The following KLHL1 variants were observed in gnomAD, a reference collection of about 807,000 sequenced individuals.
The protein encoded by KLHL1 is kelch like family member 1.
A neutral mutation model predicts 77.7 loss-of-function variants in KLHL1; 47 were observed. The observed-to-expected ratio is 0.60, with a 90% CI of 0.48 to 0.77. KLHL1 has a LOEUF of 0.77. KLHL1 is among the 30% of genes least tolerant of loss of function. KLHL1 has a pLI of 0.00. For synonymous variants in KLHL1, 360 were observed against 325.2 expected (o/e 1.11, Z -1.15); for missense variants, 925 against 910.8 (o/e 1.02, Z -0.20).
chr13:69,783,198 A>AAAGT (rs1876323816), intron 7 of KLHL1, among the ~76,000 whole-genome samples: 1 of 152,152 alleles, frequency 6.6e-6, no homozygotes, highest in South Asian at 2.1e-4. Context: ...TCAAAGATCA[A>AAAGT]AAGTAGATAA....
intron 7 of KLHL1, among the ~76,000 whole-genome samples, chr13:69,748,004 A>G (rs902760569): frequency 6.6e-6 from 1 of 152,116 alleles, no homozygotes; most frequent in African/African-American, 2.4e-5. Flanking sequence ...CAACACAGGT[A>G]TCTATCCTTT....
chr13:69,778,647 G>T (rs1008922123), intron 7 of KLHL1, among the ~76,000 whole-genome samples: 1 of 151,932 alleles, frequency 6.6e-6, no homozygotes, highest in African/African-American at 2.4e-5. Context: ...TAACAGGTTA[G>T]GTAAAAGCTT....
At position 70,107,276 on chromosome 13, in the gene KLHL1, C is replaced by G. The variant is rs145170424; in HGVS notation, c.424G>C (p.Gly142Arg). The part of the protein sequence containing the change: ...GMDFPGPHEK[G>R]LVLQELKVEP... ...ACTTTGAGCTCTTGCAGAACCAGCC[C>G]TTTTTCGTGTGGTCCAGGAAAGTCC... The change falls in exon 1 of 11, where the codon GGG becomes CGG. Residue 142 changes from glycine to arginine, a missense_variant. Gly to Arg is a moderately radical substitution (Grantham distance 125, BLOSUM62 -2). Coordinates refer to ENST00000377844, the MANE Select transcript of KLHL1 (RefSeq NM_020866.3). 6.2e-7 allele frequency: 1 copy of G among 1,614,104 alleles called. No individual in the cohort carries two copies. Among genetic ancestry groups the G allele is most frequent in the Non-Finnish European group, 8.5e-7 (1 of 1,180,006 alleles).
chr13:69,999,044 C>G (rs979546505), intron 1 of KLHL1, among the ~76,000 whole-genome samples: 1 of 151,938 alleles, frequency 6.6e-6, no homozygotes, highest in Admixed American at 6.6e-5. Context: ...TGGCTGTTTT[C>G]TCCATCAAGT....
intron 7 of KLHL1, among the ~76,000 whole-genome samples, chr13:69,783,008 TCTGCTGTTCTACAGCCA>T (rs1279775907): frequency 6.6e-6 from 1 of 152,190 alleles, no homozygotes; most frequent in East Asian, 1.9e-4. Flanking sequence ...TTCACCAAGA[TCTGCTGTTCTACAGCCA>T]CTGCTGTTTT....
intron 5 of KLHL1, among the ~76,000 whole-genome samples, chr13:69,861,125 TAAA>T (rs1880139519): frequency 6.6e-6 from 1 of 152,110 alleles, no homozygotes; most frequent in Non-Finnish European, 1.5e-5. Context: ...CGCTAACTGG[TAAA>T]TATTATTTTA....
chr13:69,785,692 C>A (rs1876500874), intron 7 of KLHL1, among the ~76,000 whole-genome samples: 1 of 151,738 alleles, frequency 6.6e-6, no homozygotes, highest in South Asian at 2.1e-4. Flanking sequence ...ACACAAAAAA[C>A]CCTTCAAAAA....
intron 2 of KLHL1, among the ~76,000 whole-genome samples, chr13:69,963,133 C>A (rs1048491155): frequency 1.3e-5 from 2 of 152,062 alleles, no homozygotes; most frequent in African/African-American, 4.8e-5. Context: ...ATGATCATAG[C>A]TCATTGCAGC....
chr13:69,846,363 A>G (rs955042471), intron 5 of KLHL1, among the ~76,000 whole-genome samples: 24 of 151,666 alleles, frequency 1.6e-4, no homozygotes, highest in Middle Eastern at 3.4e-3. Flanking sequence ...AAACATGACC[A>G]GGAAATATAT....
At chr13:69,779,057 C>A (rs926218453) in intron 7 of KLHL1, among the ~76,000 whole-genome samples, 13 of 152,214 alleles carry the variant, frequency 8.5e-5, no homozygotes, top group South Asian at 4.1e-4. Flanking sequence ...CTCAGCCTCC[C>A]AAAGTGCTGG....
At chr13:69,976,762 C>T (rs796874221) in intron 1 of KLHL1, among the ~76,000 whole-genome samples, 6 of 152,128 alleles carry the variant, frequency 3.9e-5, no homozygotes, top group Admixed American at 1.3e-4. Flanking sequence ...TCCACGAAAA[C>T]CACAAAAAAG....
intron 2 of KLHL1, among the ~76,000 whole-genome samples, chr13:69,969,383 A>C (rs1307667857): frequency 1.3e-5 from 2 of 152,138 alleles, no homozygotes; most frequent in Non-Finnish European, 1.5e-5. Context: ...ATTAAGACAC[A>C]GTTATCCTCA....
intron 5 of KLHL1, among the ~76,000 whole-genome samples, chr13:69,881,877 A>C (rs1881004941): frequency 6.6e-6 from 1 of 152,182 alleles, no homozygotes; most frequent in Non-Finnish European, 1.5e-5. Context: ...CAATATATGC[A>C]TTTACATCAA....
intron 6 of KLHL1, among the ~76,000 whole-genome samples, chr13:69,816,578 T>A: frequency 6.6e-6 from 1 of 152,146 alleles, no homozygotes; most frequent in Admixed American, 6.5e-5. Flanking sequence ...ATTTTTTATA[T>A]GTAACTACCT....
rs114808004 is a variant in KLHL1 at position 69,952,584 on chromosome 13, A to G, written c.817+8724T>C. Among the ~76,000 whole-genome samples, 457 of 151,446 alleles carry G rather than the reference A, an allele frequency of 3.0e-3. 3 individuals are homozygous for G. Among genetic ancestry groups the G allele is most frequent in the African/African-American group, 0.011 (443 of 41,466 alleles). On this transcript the variant is annotated intron_variant, in intron 3 of 10. Coordinates refer to ENST00000377844, the MANE Select transcript of KLHL1 (RefSeq NM_020866.3). Reference sequence around the variant, plus strand: ...ATAATAGCCATAATATGCAGAGATGAAAACTCAAGTTCACAATCCAAAGGA... The same window carrying G: ...ATAATAGCCATAATATGCAGAGATGGAAACTCAAGTTCACAATCCAAAGGA...
intron 4 of KLHL1, among the ~76,000 whole-genome samples, chr13:69,909,436 T>C (rs1882160619): frequency 6.6e-6 from 1 of 151,942 alleles, no homozygotes; most frequent in Non-Finnish European, 1.5e-5. Flanking sequence ...TGCAAATATT[T>C]GAAGCAAAGA....
chr13:69,823,739 A>G (rs527381986), intron 6 of KLHL1, among the ~76,000 whole-genome samples: 2 of 152,222 alleles, frequency 1.3e-5, no homozygotes, highest in South Asian at 4.1e-4. Flanking sequence ...CTAAAACATT[A>G]GCATTTCCAC....
At chr13:69,922,832 C>A (rs1882686232) in intron 4 of KLHL1, among the ~76,000 whole-genome samples, 1 of 152,050 alleles carries the variant, frequency 6.6e-6, no homozygotes, top group South Asian at 2.1e-4. Flanking sequence ...TTAAAAAGGT[C>A]TATTCCTTAA....
At chr13:69,730,720 C>T (rs573727594) in intron 8 of KLHL1, among the ~76,000 whole-genome samples, 1 of 152,110 alleles carries the variant, frequency 6.6e-6, no homozygotes, top group East Asian at 1.9e-4. Context: ...GCTTTAACTA[C>T]AGGAGCATGC....
Sources: gnomAD v4.1 joint callset for allele counts (sites outside exome capture counted in the v4.1 genomes callset) on GRCh38, gnomAD v4.1.1 for gene constraint, MANE v1.5 for transcripts, NCBI Gene and HGNC (gene_info 2026-07-23, HGNC 2026-07-21) for gene names.